TOX: variants seen among roughly 807,000 people sequenced by gnomAD.
The protein encoded by TOX is thymocyte selection associated high mobility group box.
TOX carries 11 observed loss-of-function variants against 53.7 expected under a neutral mutation model. That is an observed-to-expected ratio of 0.20 (90% CI 0.13 to 0.34). The LOEUF (loss-of-function observed/expected upper bound fraction) is 0.34, where lower values mean the gene tolerates loss of function less well. TOX is among the 10% of genes least tolerant of loss of function. The pLI is 1.00. For synonymous variants in TOX, 225 were observed against 245.3 expected, an observed-to-expected ratio of 0.92 and a Z score of 0.77; for missense variants, 570 against 664.6, an observed-to-expected ratio of 0.86 and a Z score of 1.56.
In TOX at chr8:58,829,578, G is replaced by A. The variant is rs77333525; in HGVS notation, c.925-2676C>T. On this transcript the variant is annotated intron_variant, in intron 5 of 8. Transcript: ENST00000361421. ...TTCCTGTAATTGTGTTGAAAGGGGAGTAGCCTGGACCAGAATTAAAATCTG... is the reference window on the plus strand; with the variant it reads ...TTCCTGTAATTGTGTTGAAAGGGGAATAGCCTGGACCAGAATTAAAATCTG... 1.2e-3 allele frequency among the ~76,000 whole-genome samples: 185 copies of A among 152,286 alleles called. 1 individual carries two copies. In the East Asian group the frequency reaches 0.032, roughly 27 times the overall value.
At chr8:59,099,963 T>C (rs2129424312) in intron 1 of TOX, among the ~76,000 whole-genome samples, 1 of 152,288 alleles carries the variant, frequency 6.6e-6, no homozygotes, top group East Asian at 1.9e-4. Context: ...TCATTAAATG[T>C]AAATGTACTC....
At chr8:58,855,033 C>A (rs1810891321) in intron 3 of TOX, among the ~76,000 whole-genome samples, 1 of 152,092 alleles carries the variant, frequency 6.6e-6, no homozygotes, top group African/African-American at 2.4e-5. Context: ...CCTGAAGTAG[C>A]AGAATATTAT....
chr8:58,995,883 T>C (rs1007370106), intron 1 of TOX, among the ~76,000 whole-genome samples: 1 of 152,226 alleles, frequency 6.6e-6, no homozygotes, highest in African/African-American at 2.4e-5. Flanking sequence ...CACTCAGTAA[T>C]GAGATAGAGT....
intron 3 of TOX, among the ~76,000 whole-genome samples, chr8:58,879,080 A>T (rs961625568): frequency 5.9e-5 from 9 of 151,842 alleles, no homozygotes; most frequent in Non-Finnish European, 8.8e-5. Context: ...AAAACAAAAA[A>T]ACTCAACAAC....
At chr8:58,998,719 C>G (rs951210006) in intron 1 of TOX, among the ~76,000 whole-genome samples, 1 of 148,426 alleles carries the variant, frequency 6.7e-6, no homozygotes, top group Admixed American at 6.8e-5. Flanking sequence ...ATCTGGTCCA[C>G]AAACAATTAG....
At chr8:58,815,838 A>C (rs1810167289) in intron 6 of TOX, 114 bp from the exon 7 acceptor site, 1 of 1,147,442 alleles carries the variant, frequency 8.7e-7, no homozygotes, top group African/African-American at 1.5e-5. Flanking sequence ...ACCCATGACT[A>C]TCCCGGACTC....
intron 3 of TOX, among the ~76,000 whole-genome samples, chr8:58,855,147 A>T (rs963152256): frequency 6.6e-6 from 1 of 151,950 alleles, no homozygotes; most frequent in African/African-American, 2.4e-5. Context: ...CCCTTCACTG[A>T]CTTCTCTTTT....
chr8:59,051,892 G>A (rs145858337), intron 1 of TOX, among the ~76,000 whole-genome samples: 1 of 152,234 alleles, frequency 6.6e-6, no homozygotes, highest in African/African-American at 2.4e-5. Context: ...TCTATTTAGT[G>A]AGTCAATATA....
At chr8:58,932,759 C>T (rs1173704850) in intron 3 of TOX, among the ~76,000 whole-genome samples, 1 of 152,038 alleles carries the variant, frequency 6.6e-6, no homozygotes, top group East Asian at 1.9e-4. Context: ...TCCCTATAGG[C>T]CTGAAGGAAC....
chr8:58,987,180 A>G (rs1813347039), intron 1 of TOX, among the ~76,000 whole-genome samples: 1 of 152,178 alleles, frequency 6.6e-6, no homozygotes, highest in South Asian at 2.1e-4. Flanking sequence ...AAATTTGCAT[A>G]ACGACACGAT....
At chr8:59,018,918 G>T (rs980189097) in intron 1 of TOX, among the ~76,000 whole-genome samples, 4 of 152,092 alleles carry the variant, frequency 2.6e-5, no homozygotes, top group Non-Finnish European at 5.9e-5. Context: ...CCTAGCTCAT[G>T]GTTGATTCTC....
At chr8:58,983,867 A>G (rs1366612922) in intron 1 of TOX, among the ~76,000 whole-genome samples, 2 of 152,236 alleles carry the variant, frequency 1.3e-5, no homozygotes, top group Non-Finnish European at 2.9e-5. Flanking sequence ...CAATGTACAC[A>G]TGGAAGCAAT....
intron 1 of TOX, among the ~76,000 whole-genome samples, chr8:59,074,236 T>A (rs780110097): frequency 7.9e-5 from 12 of 152,230 alleles, no homozygotes; most frequent in Non-Finnish European, 1.2e-4. Context: ...AGTACTTACA[T>A]AATGGGTGCT....
chr8:58,986,219 C>T (rs1045359578), intron 1 of TOX, among the ~76,000 whole-genome samples: 3 of 152,128 alleles, frequency 2.0e-5, no homozygotes, highest in African/African-American at 7.2e-5. Context: ...TCACAGGAGG[C>T]ATTGCAAAAG....
intron 1 of TOX, among the ~76,000 whole-genome samples, chr8:59,089,694 A>G (rs1804574355): frequency 6.6e-6 from 1 of 152,180 alleles, no homozygotes; most frequent in African/African-American, 2.4e-5. Flanking sequence ...GGCTCAAGGG[A>G]TCCTCCGCCT....
chr8:58,890,976 G>A (rs1310665338), intron 3 of TOX, among the ~76,000 whole-genome samples: 2 of 151,984 alleles, frequency 1.3e-5, no homozygotes, highest in South Asian at 2.1e-4. Context: ...CTTAGAGATC[G>A]GTATGTTCAT....
At chr8:58,948,115 G>C (rs745617778) in intron 2 of TOX, among the ~76,000 whole-genome samples, 3 of 152,228 alleles carry the variant, frequency 2.0e-5, no homozygotes, top group Non-Finnish European at 4.4e-5. Context: ...CTGCCCCAGA[G>C]AATGTCTGAC....
chr8:59,006,330 G>C (rs570427757), intron 1 of TOX, among the ~76,000 whole-genome samples: 1 of 152,152 alleles, frequency 6.6e-6, no homozygotes, highest in Non-Finnish European at 1.5e-5. Flanking sequence ...TTTCACTAAC[G>C]CACTGGGTTC....
At chr8:59,029,716 C>T (rs1295737167) in intron 1 of TOX, among the ~76,000 whole-genome samples, 4 of 152,160 alleles carry the variant, frequency 2.6e-5, no homozygotes, top group Non-Finnish European at 4.4e-5. Context: ...GTAATGGCTA[C>T]AAGGACCTCG....
Sources: gnomAD v4.1 joint callset for allele counts (sites outside exome capture counted in the v4.1 genomes callset) on GRCh38, gnomAD v4.1.1 for gene constraint, MANE v1.5 for transcripts, NCBI Gene and HGNC (gene_info 2026-07-23, HGNC 2026-07-21) for gene names.